Variants in SLC4A4 observed in about 807,000 individuals in gnomAD.
SLC4A4 encodes solute carrier family 4 member 4.
A neutral mutation model predicts 111.5 loss-of-function variants in SLC4A4; 27 were observed. The ratio of observed to expected loss-of-function variants is 0.24; its 90% CI spans 0.18 to 0.33. The LOEUF is 0.33. SLC4A4 is among the 10% of genes least tolerant of loss of function. The pLI, the probability that SLC4A4 is intolerant of heterozygous loss-of-function variation, is 1.00. For missense variants in SLC4A4, 909 were observed against 1,315.5 expected (o/e 0.69, Z 4.78); for synonymous variants, 443 against 463.4 (o/e 0.96, Z 0.57).
chr4:71,381,818 T>C (rs1485013825), intron 6 of SLC4A4, among the ~76,000 whole-genome samples: 1 of 152,124 alleles, frequency 6.6e-6, no homozygotes, highest in Non-Finnish European at 1.5e-5. Flanking sequence ...TGTTTGTTTG[T>C]TTTTAACCAA....
At chr4:71,130,093 A>C (rs1743662222) in intron 2 of SLC4A4, among the ~76,000 whole-genome samples, 1 of 152,158 alleles carries the variant, frequency 6.6e-6, no homozygotes, top group African/African-American at 2.4e-5. Flanking sequence ...CATGCCATTT[A>C]CCTATATGAC....
chr4:71,383,233 T>C (rs1245492684), intron 6 of SLC4A4, among the ~76,000 whole-genome samples: 2 of 152,162 alleles, frequency 1.3e-5, no homozygotes, highest in Admixed American at 6.5e-5. Flanking sequence ...ACATTAGAAA[T>C]TACCATTAAA....
rs6857491 is a variant in SLC4A4 at position 71,495,806 on chromosome 4, A to T, written c.1975-1695A>T. 8.9e-4 allele frequency among the ~76,000 whole-genome samples: 135 copies of T among 151,954 alleles called. 1 individual carries two copies. Among genetic ancestry groups the T allele is most frequent in the African/African-American group, 3.1e-3 (127 of 41,412 alleles). On this transcript the variant is annotated intron_variant, in intron 15 of 25. Transcript: ENST00000264485. ...GTTTTCAAATAACTCTTCTGATAGC[A>T]TATGACATATCCATTAGCCCTGGAC...
chr4:71,519,976 G>C (rs928119586), intron 16 of SLC4A4, among the ~76,000 whole-genome samples: 5 of 152,036 alleles, frequency 3.3e-5, no homozygotes, highest in Non-Finnish European at 5.9e-5. Flanking sequence ...TCTCTCATTC[G>C]CCAAAATATG....
chr4:71,564,920 G>C (rs1737323420), intron 24 of SLC4A4, among the ~76,000 whole-genome samples: 1 of 151,768 alleles, frequency 6.6e-6, no homozygotes, highest in African/African-American at 2.4e-5. Context: ...GAATGCAGGG[G>C]CAGCTGATTT....
intron 3 of SLC4A4, among the ~76,000 whole-genome samples, chr4:71,334,316 T>C (rs1035532492): frequency 6.6e-6 from 1 of 151,692 alleles, no homozygotes; most frequent in Admixed American, 6.6e-5. Flanking sequence ...ACCTGGGAGC[T>C]AGGGCCTGGA....
rs1722927408 is a variant in SLC4A4, at chr4:71,424,669, T to G, written c.808-15947T>G. 2.6e-5 allele frequency among the ~76,000 whole-genome samples: 4 copies of G among 152,170 alleles called. 1 individual carries two copies. In the South Asian group the frequency reaches 8.3e-4, roughly 32 times the overall value. On this transcript the variant is annotated intron_variant, in intron 7 of 25. Transcript: ENST00000264485. ...TGGAATACTATGCAGCCATAAAAAA[T>G]GATGAGTTCATATCCGTTGTAGGGA... is the stretch of plus-strand genomic sequence containing the variant.
At chr4:71,423,843 A>G (rs1241555990) in intron 7 of SLC4A4, among the ~76,000 whole-genome samples, 1 of 152,244 alleles carries the variant, frequency 6.6e-6, no homozygotes, top group Non-Finnish European at 1.5e-5. Context: ...AATCAATTCA[A>G]GATGGATTAA....
chr4:71,244,035 G>A (rs1357989770), intron 2 of SLC4A4, among the ~76,000 whole-genome samples: 1 of 151,996 alleles, frequency 6.6e-6, no homozygotes, highest in Non-Finnish European at 1.5e-5. Context: ...GTTATAGATG[G>A]GTTAAATCAC....
chr4:71,242,050 T>A (rs888510889), intron 2 of SLC4A4, among the ~76,000 whole-genome samples: 3 of 152,214 alleles, frequency 2.0e-5, no homozygotes, highest in African/African-American at 7.2e-5. Flanking sequence ...TAGTTCCGTG[T>A]GTTTTTGAAA....
At chr4:71,428,215 C>T (rs1228643188) in intron 7 of SLC4A4, among the ~76,000 whole-genome samples, 1 of 152,060 alleles carries the variant, frequency 6.6e-6, no homozygotes, top group African/African-American at 2.4e-5. Flanking sequence ...GCATAAATAA[C>T]CTACTAAGAT....
intron 2 of SLC4A4, among the ~76,000 whole-genome samples, chr4:71,144,433 C>T (rs962122099): frequency 6.6e-6 from 1 of 152,128 alleles, no homozygotes; most frequent in Non-Finnish European, 1.5e-5. Flanking sequence ...AATGCGGGCT[C>T]TTTTTTGGTT....
chr4:71,160,158 T>C (rs1239149903), intron 2 of SLC4A4, among the ~76,000 whole-genome samples: 3 of 152,110 alleles, frequency 2.0e-5, no homozygotes, highest in Non-Finnish European at 2.9e-5. Flanking sequence ...ACCAAAGATA[T>C]GCAGCTGGTA....
intron 5 of SLC4A4, among the ~76,000 whole-genome samples, chr4:71,355,323 T>C (rs533697931): frequency 6.6e-6 from 1 of 152,360 alleles, no homozygotes; most frequent in Admixed American, 6.5e-5. Context: ...CTGGTTCTTC[T>C]GTAAAATGGA....
At chr4:71,225,435 G>A in intron 1 of SLC4A4, among the ~76,000 whole-genome samples, 1 of 152,034 alleles carries the variant, frequency 6.6e-6, no homozygotes, top group Non-Finnish European at 1.5e-5. Context: ...AGAACCTTCA[G>A]TTCTTTCCCT....
At chr4:71,146,912 C>T (rs1322319453) in intron 2 of SLC4A4, among the ~76,000 whole-genome samples, 2 of 151,430 alleles carry the variant, frequency 1.3e-5, no homozygotes, top group South Asian at 2.1e-4. Flanking sequence ...TGTAAATGGG[C>T]TAAATGCTCC....
chr4:71,396,432 T>C (rs1317693507), intron 6 of SLC4A4, among the ~76,000 whole-genome samples: 1 of 152,176 alleles, frequency 6.6e-6, no homozygotes, highest in Non-Finnish European at 1.5e-5. Flanking sequence ...TATGTTGAGG[T>C]CTGTATCTGA....
chr4:71,503,019 G>A (rs1731085846), intron 16 of SLC4A4, among the ~76,000 whole-genome samples: 1 of 152,006 alleles, frequency 6.6e-6, no homozygotes, highest in African/African-American at 2.4e-5. Flanking sequence ...CTGTGATTAG[G>A]TGCATATAGA....
intron 2 of SLC4A4, among the ~76,000 whole-genome samples, chr4:71,106,138 A>G (rs1742911103): frequency 6.6e-6 from 1 of 151,758 alleles, no homozygotes; most frequent in African/African-American, 2.4e-5. Context: ...TTCTCAAAAG[A>G]AGACATTTAT....
Sources: allele counts gnomAD v4.1 joint callset (sites outside exome capture counted in the v4.1 genomes callset), GRCh38; gene constraint gnomAD v4.1.1; transcripts MANE v1.5; gene names NCBI Gene and HGNC (gene_info 2026-07-23, HGNC 2026-07-21).